TBCE: variants seen among roughly 807,000 people sequenced by gnomAD.
TBCE encodes the protein tubulin-specific chaperone E.
TBCE carries 53 observed loss-of-function variants against 77.0 expected under a neutral mutation model. The observed-to-expected ratio is 0.69, with a 90% CI of 0.55 to 0.87. The LOEUF (loss-of-function observed/expected upper bound fraction) is 0.87. Among genes scored for constraint, TBCE ranks in the 40% least tolerant of loss-of-function variants. The pLI, the probability that TBCE is intolerant of heterozygous loss-of-function variation, is 0.00. For missense variants in TBCE, 624 were observed against 622.4 expected (o/e 1.00, Z -0.03); for synonymous variants, 235 against 241.3 (o/e 0.97, Z 0.24).
rs971501538 is a variant in TBCE, at chr1:235,434,136, T to G, written c.661-68T>G. On this transcript the variant is annotated intron_variant, in intron 7 of 16. Transcript: ENST00000642610. ...AACTGAGCTGAATTCTTGTGGTGGT[T>G]CCTATGAACACCCGGGAAGAAACAG... 1.7e-5 allele frequency: 23 copies of G among 1,391,362 alleles called. No homozygotes were observed. In the Middle Eastern group the frequency reaches 5.3e-4, roughly 32 times the overall value. The allele number at this position is 1,391,362 out of a possible 1,614,324, so 86.2% of individuals were successfully genotyped here.
intron 3 of TBCE, among the ~76,000 whole-genome samples, chr1:235,404,116 A>G (rs1039679494): frequency 6.6e-6 from 1 of 152,142 alleles, no homozygotes; most frequent in South Asian, 2.1e-4. Flanking sequence ...ATCTCTACTA[A>G]AAATATAAAA....
In TBCE at chr1:235,450,055, G is replaced by T; in HGVS notation, c.*1293G>T. On this transcript the variant is annotated 3_prime_UTR_variant, in exon 17 of 17. Coordinates refer to ENST00000642610, the MANE Select transcript of TBCE (RefSeq NM_003193.5). ...TTAAGGAAATTTGTGCAAACATTAA[G>T]AAACACCGCATTGGTTCTGGGTGAA... is the stretch of plus-strand genomic sequence containing the variant. 1 of 892,370 alleles carries T rather than the reference G, an allele frequency of 1.1e-6. No individual in the cohort carries two copies. The highest frequency in any genetic ancestry group is 2.0e-5 in the South Asian group (1 of 49,644). 55.3% of individuals were successfully genotyped at this position (892,370 alleles called of 1,614,324 possible).
At chr1:235,375,082 G>A (rs893593015) in intron 1 of TBCE, among the ~76,000 whole-genome samples, 11 of 150,818 alleles carry the variant, frequency 7.3e-5, no homozygotes, top group East Asian at 1.9e-4. Context: ...CACCACGCCC[G>A]GCTAATTTTT....
At chr1:235,447,524 G>A (rs1441618624) in intron 15 of TBCE, among the ~76,000 whole-genome samples, 1 of 152,170 alleles carries the variant, frequency 6.6e-6, no homozygotes, top group Admixed American at 6.5e-5. Flanking sequence ...AGTTACACAT[G>A]ATGTAATTAC....
At chr1:235,377,217 G>T (rs1160840748) in intron 1 of TBCE, among the ~76,000 whole-genome samples, 1 of 152,168 alleles carries the variant, frequency 6.6e-6, no homozygotes, top group African/African-American at 2.4e-5. Flanking sequence ...ATTTTGCTCT[G>T]TCGCCAGGCT....
Position 235,414,438 on chromosome 1 carries a change from C to G in TBCE, c.191C>G (p.Pro64Arg), listed in dbSNP as rs147489278. ...EGTVYFKCRH[P>R]TGGSFIRPNK... Reference sequence around the variant, plus strand: ...CATTTGCTCTTCTTTACCAGGCACCCGACAGGAGGATCCTTTATTCGTCCG... The same window carrying G: ...CATTTGCTCTTCTTTACCAGGCACCGGACAGGAGGATCCTTTATTCGTCCG... The change falls in exon 4 of 17, where the codon CCG becomes CGG. Residue 64 changes from proline (P) to arginine (R), a missense_variant. Coordinates refer to ENST00000642610, the MANE Select transcript of TBCE (RefSeq NM_003193.5). 6.2e-7 allele frequency: 1 copy of G among 1,613,086 alleles called. No individual in the cohort carries two copies. Among genetic ancestry groups the G allele is most frequent in the Non-Finnish European group, 8.5e-7 (1 of 1,179,842 alleles).
chr1:235,434,069 G>A, intron 7 of TBCE, 135 bp from the exon 8 acceptor site: 2 of 805,016 alleles, frequency 2.5e-6, no homozygotes, highest in Non-Finnish European at 4.4e-6. Context: ...GCCTGAAACA[G>A]TCTTATGAAC....
rs773370448 is a variant in TBCE, at chr1:235,448,779, T to C, written c.*17T>C. 24 of 1,539,750 alleles carry C rather than the reference T, an allele frequency of 1.6e-5. No homozygotes were observed. In the East Asian group the frequency reaches 5.4e-4, roughly 35 times the overall value. On this transcript the variant is annotated 3_prime_UTR_variant, in exon 17 of 17. Coordinates refer to ENST00000642610, the MANE Select transcript of TBCE (RefSeq NM_003193.5). ...CGATGGTGACAACCAACTAATAAAA[T>C]TTAAAGACCACACTGCTTATCGTGT...
chr1:235,370,888 C>T (rs1461125579), intron 1 of TBCE, among the ~76,000 whole-genome samples: 1 of 146,756 alleles, frequency 6.8e-6, no homozygotes, highest in African/African-American at 2.5e-5. Context: ...ATTACAGGCG[C>T]ACGCCACCAC....
rs1558402910 is a variant in TBCE at position 235,449,153 on chromosome 1, A to ATGAT, written c.*393_*396dup. The stretch of plus-strand genomic sequence containing the variant: ...CTACTATTTTAAAGGGTTACTAGAA[A>ATGAT]TGATTTGGTTGGTCATTTTGGGAAA... On this transcript the variant is annotated 3_prime_UTR_variant, in exon 17 of 17. Transcript: ENST00000642610. 8.0e-6 allele frequency: 2 copies of ATGAT among 250,036 alleles called. No individual in the cohort carries two copies. Among genetic ancestry groups the ATGAT allele is most frequent in the East Asian group, 1.1e-4 (1 of 9,466 alleles). 15.5% of individuals were successfully genotyped at this position (250,036 alleles called of 1,614,324 possible). A position where few individuals can be genotyped will look rare whatever the true frequency, so the allele number is the denominator to read the frequency against.
chr1:235,442,940 A>T, intron 15 of TBCE, 29 bp downstream of exon 15: 1 of 1,612,494 alleles, frequency 6.2e-7, no homozygotes, highest in Non-Finnish European at 8.5e-7. Context: ...TCTTTTCCTT[A>T]AACTCTGAAT....
intron 11 of TBCE, among the ~76,000 whole-genome samples, chr1:235,436,990 G>C (rs187411609): frequency 6.6e-6 from 1 of 151,942 alleles, no homozygotes; most frequent in African/African-American, 2.4e-5. Flanking sequence ...TTAACCGGGC[G>C]TGGTGGCGCA....
At chr1:235,432,942 T>A (rs751390666) in intron 7 of TBCE, 82 of 1,251,726 alleles carry the variant, frequency 6.6e-5, no homozygotes, top group Middle Eastern at 2.9e-4. Flanking sequence ...AAAAAAAAAA[T>A]TAGGCTCATG....
rs1553336564 is a variant in TBCE at position 235,416,181 on chromosome 1, A to AAAG, written c.371+1565_371+1566insGAA. 190 of 150,324 alleles carry AAAG rather than the reference A, an allele frequency of 1.3e-3. 4 individuals are homozygous for AAAG. Among genetic ancestry groups the AAAG allele is most frequent in the African/African-American group, 4.5e-3 (183 of 40,404 alleles). 9.3% of individuals were successfully genotyped at this position (150,324 alleles called of 1,614,324 possible). ...GAGACTCTGTCTCAAAAAAAAAAAA[A>AAAG]AAAAAGAAAAAAAAGACGTAACTAT... On this transcript the variant is annotated intron_variant, in intron 4 of 16. Transcript: ENST00000642610.
intron 2 of TBCE, among the ~76,000 whole-genome samples, chr1:235,387,048 G>T (rs1275618168): frequency 2.0e-5 from 3 of 152,222 alleles, no homozygotes; most frequent in African/African-American, 7.2e-5. Flanking sequence ...GTCTGTTGGA[G>T]TTTGCTAGAG....
chr1:235,436,254 A>G (rs1681442015), intron 9 of TBCE, 132 bp from the exon 10 acceptor site: 1 of 787,716 alleles, frequency 1.3e-6, no homozygotes, highest in Non-Finnish European at 2.2e-6. Flanking sequence ...GTTGGACTTT[A>G]TGGTTTCTAA....
chr1:235,415,011 A>G, intron 4 of TBCE: 2 of 295,816 alleles, frequency 6.8e-6, no homozygotes, highest in East Asian at 8.5e-5. Flanking sequence ...CCGTCTGTTA[A>G]TAGTAGGGAG....
intron 11 of TBCE, 62 bp downstream of exon 11, chr1:235,436,670 T>C (rs751489440): frequency 2.1e-5 from 31 of 1,476,526 alleles, no homozygotes; most frequent in Non-Finnish European, 2.7e-5. Flanking sequence ...ATGGCAGAGT[T>C]TGGAGGTTCC....
At chr1:235,448,119 G>A (rs924789873) in intron 15 of TBCE, among the ~76,000 whole-genome samples, 1 of 150,580 alleles carries the variant, frequency 6.6e-6, no homozygotes, top group Non-Finnish European at 1.5e-5. Context: ...AGAATTGTTT[G>A]AACCCGGGAA....
Sources: allele counts gnomAD v4.1 joint callset (sites outside exome capture counted in the v4.1 genomes callset), GRCh38; gene constraint gnomAD v4.1.1; transcripts MANE v1.5; gene names NCBI Gene and HGNC (gene_info 2026-07-23, HGNC 2026-07-21).